PKD1L1: variants seen among roughly 807,000 people sequenced by gnomAD.
PKD1L1 encodes the protein polycystin 1 like 1, transient receptor potential channel interacting.
A neutral mutation model predicts 323.4 loss-of-function variants in PKD1L1; 236 were observed. That is an observed-to-expected ratio of 0.73 (90% CI 0.66 to 0.81). PKD1L1 has a LOEUF of 0.81. Among genes scored for constraint, PKD1L1 ranks in the 40% least tolerant of loss-of-function variants. PKD1L1 has a pLI of 0.00. For missense variants in PKD1L1, 3,320 were observed against 3,508.0 expected (o/e 0.95, Z 1.35); for synonymous variants, 1,344 against 1,335.0 (o/e 1.01, Z -0.15).
chr7:47,950,420 T>C (rs1788187379), upstream of PKD1L1, among the ~76,000 whole-genome samples: 1 of 152,328 alleles, frequency 6.6e-6, no homozygotes, highest in East Asian at 1.9e-4. Flanking sequence ...GGAAGAAATA[T>C]GCCTGCACTG....
chr7:47,883,032 T>C (rs909758991), intron 19 of PKD1L1, among the ~76,000 whole-genome samples: 10 of 152,126 alleles, frequency 6.6e-5, no homozygotes, highest in African/African-American at 2.2e-4. Context: ...AACACAAATG[T>C]TGTAAGGAGG....
rs1232460455 is a variant in PKD1L1, at chr7:47,836,794, C to T, written c.5943+127G>A. ...TGTTCCTTCTCTGGTCCCCAGGCAG[C>T]CAGGCTTGCTTCCCCTGGTTTAAAC... On this transcript the variant is annotated intron_variant, in intron 37 of 56. Transcript: ENST00000289672. The T allele has an allele frequency of 4.2e-6, 5 of 1,202,228 alleles. No homozygotes were observed. The East Asian group carries it at 1.3e-4, about 31-fold the overall frequency. The allele number at this position is 1,202,228 out of a possible 1,614,324, so 74.5% of individuals were successfully genotyped here.
Position 47,829,095 on chromosome 7 carries a change from C to T in PKD1L1, c.6735+330G>A, listed in dbSNP as rs191495248. On this transcript the variant is annotated intron_variant, in intron 44 of 56. Coordinates refer to ENST00000289672, the MANE Select transcript of PKD1L1 (RefSeq NM_138295.5). ...GAGAGAGGAAGGATGGGGAGGAGTA[C>T]ATTTTCTGTGGGTTCACTGAAGGGC... Among the ~76,000 whole-genome samples, 3 of 152,268 alleles carry T rather than the reference C, an allele frequency of 2.0e-5. No homozygotes were observed. In the East Asian group the frequency reaches 5.8e-4, roughly 29 times the overall value.
chr7:47,884,622 T>TA lies in PKD1L1; in HGVS notation c.3240_3241insT (p.Ile1081TyrfsTer10). 1.2e-6 allele frequency: 2 copies of TA among 1,614,062 alleles called. No individual in the cohort carries two copies. Among genetic ancestry groups the TA allele is most frequent in the Non-Finnish European group, 1.7e-6 (2 of 1,179,912 alleles). ...CCTGGCTGTCTTCCTCCCGATGGTA[T>TA]TGCTTCTTGAATGTCACTGTAATAG... is the stretch of plus-strand genomic sequence containing the variant. On this transcript the variant is annotated frameshift_variant, in exon 19 of 57. Coordinates refer to ENST00000289672, the MANE Select transcript of PKD1L1 (RefSeq NM_138295.5). LOFTEE classifies it high-confidence loss of function.
Position 47,845,053 on chromosome 7 carries a change from G to T in PKD1L1, c.5179C>A (p.Leu1727Ile). The T allele has an allele frequency of 6.2e-7, 1 of 1,613,974 alleles. No individual in the cohort carries two copies. The highest frequency in any genetic ancestry group is 8.5e-7 in the Non-Finnish European group (1 of 1,179,972). Residue 1727 changes from leucine to isoleucine, a missense_variant, in exon 33 of 57, where the codon CTC becomes ATC. Transcript: ENST00000289672. ...CTGGCCTTCAGCTTTCTCCTTAGGA[G>T]AGCGAATGCCGCGAGGCGATGGTAG... ...CSYHRLAAFA[L>I]LRRKLKASFE...
At chr7:47,824,209 C>T (rs1785199530) in intron 45 of PKD1L1, among the ~76,000 whole-genome samples, 1 of 152,116 alleles carries the variant, frequency 6.6e-6, no homozygotes, top group African/African-American at 2.4e-5. Flanking sequence ...GTTTCTAGGC[C>T]TTTTCTTGCT....
chr7:47,823,047 G>A (rs915326405), intron 45 of PKD1L1, among the ~76,000 whole-genome samples: 1 of 151,558 alleles, frequency 6.6e-6, no homozygotes, highest in Admixed American at 6.6e-5. Flanking sequence ...AAATCAATAC[G>A]TTTTTAACTT....
At chr7:47,792,138 A>C (rs958590756) in intron 56 of PKD1L1, among the ~76,000 whole-genome samples, 1 of 152,172 alleles carries the variant, frequency 6.6e-6, no homozygotes, top group African/African-American at 2.4e-5. Context: ...AGTGCTCTAT[A>C]ATCTATTCGT....
chr7:47,884,493 A>C (rs1026869816), intron 19 of PKD1L1, 105 bp downstream of exon 19: 23 of 976,160 alleles, frequency 2.4e-5, no homozygotes, highest in Non-Finnish European at 3.7e-5. Flanking sequence ...GATTCTGTGG[A>C]GCTCTCAGTG....
intron 32 of PKD1L1, among the ~76,000 whole-genome samples, chr7:47,846,424 G>A (rs537558993): frequency 6.6e-6 from 1 of 152,292 alleles, no homozygotes; most frequent in East Asian, 1.9e-4. Context: ...AGGCTGTGGA[G>A]GGTCCTCTGA....
intron 42 of PKD1L1, among the ~76,000 whole-genome samples, chr7:47,830,882 T>C (rs1016654857): frequency 6.6e-6 from 1 of 152,196 alleles, no homozygotes; most frequent in Non-Finnish European, 1.5e-5. Flanking sequence ...CAGTATATTC[T>C]AGCCAGAGTT....
chr7:47,866,515 A>T lies in PKD1L1; in HGVS notation c.3996T>A (p.Arg1332=), dbSNP rs1217874862. The change falls in exon 25 of 57, where the codon CGT becomes CGA. Residue 1332 remains arginine (R), a synonymous_variant. Coordinates refer to ENST00000289672, the MANE Select transcript of PKD1L1 (RefSeq NM_138295.5). ...YITVITRILS[R]LSKEDKTASC... is the part of the protein sequence containing the mutation. The stretch of plus-strand genomic sequence containing the variant: ...AGGCAGTTTTGTCCTCCTTAGACAA[A>T]CGACTCAGGATTCTGGTGATCACAG... 1.2e-6 allele frequency: 2 copies of T among 1,613,998 alleles called. No individual in the cohort carries two copies. Among genetic ancestry groups the T allele is most frequent in the Non-Finnish European group, 1.7e-6 (2 of 1,179,934 alleles).
the PKD1L1 span, among the ~76,000 whole-genome samples, chr7:47,959,798 G>T: frequency 1.3e-5 from 2 of 148,492 alleles, no homozygotes; most frequent in Non-Finnish European, 1.5e-5. Context: ...GGTGAGGGGC[G>T]CCTCTGCCCG....
chr7:47,901,017 T>A (rs1249474374), intron 13 of PKD1L1, among the ~76,000 whole-genome samples: 1 of 152,152 alleles, frequency 6.6e-6, no homozygotes, highest in Admixed American at 6.5e-5. Context: ...TTTCATTTTT[T>A]TCTTTATACT....
chr7:47,838,876 CAAAAAAAAAAA>C (rs57858359), intron 36 of PKD1L1, among the ~76,000 whole-genome samples: 5 of 85,342 alleles, frequency 5.9e-5, no homozygotes, highest in African/African-American at 2.0e-4. Context: ...GACTCCATCT[CAAAAAAAAAAA>C]AAAAAAAAAA....
chr7:47,922,079 G>A (rs577546952), intron 7 of PKD1L1, among the ~76,000 whole-genome samples: 3 of 152,284 alleles, frequency 2.0e-5, no homozygotes, highest in African/African-American at 7.2e-5. Flanking sequence ...CGCCTGACTG[G>A]TTTTCGTATT....
At chr7:47,939,302 T>C (rs898629052) in intron 3 of PKD1L1, among the ~76,000 whole-genome samples, 1 of 152,210 alleles carries the variant, frequency 6.6e-6, no homozygotes, top group African/African-American at 2.4e-5. Flanking sequence ...TTAATAACGC[T>C]GCTCTGCATG....
intron 8 of PKD1L1, among the ~76,000 whole-genome samples, chr7:47,915,186 G>A (rs996691301): frequency 7.9e-5 from 12 of 152,206 alleles, no homozygotes; most frequent in African/African-American, 1.9e-4. Context: ...CCAGAGGCGC[G>A]TGGGAATGAG....
At position 47,915,532 on chromosome 7, in the gene PKD1L1, A is replaced by AT. The variant is rs758836065; in HGVS notation, c.1127dup (p.Asn376LysfsTer12). 1.9e-6 allele frequency: 3 copies of AT among 1,548,068 alleles called. No individual in the cohort carries two copies. Among genetic ancestry groups the AT allele is most frequent in the Non-Finnish European group, 1.8e-6 (2 of 1,120,226 alleles). On this transcript the variant is annotated frameshift_variant, in exon 8 of 57. Coordinates refer to ENST00000289672, the MANE Select transcript of PKD1L1 (RefSeq NM_138295.5). LOFTEE classifies it high-confidence loss of function. ...GGCACAAGTAAACATTTAAAGTTGTATTTTGTGTCTCTGCTTCTTTGTAGG... is the reference window on the plus strand; with the variant it reads ...GGCACAAGTAAACATTTAAAGTTGTATTTTTGTGTCTCTGCTTCTTTGTAGG...
Sources: gnomAD v4.1 joint callset for allele counts (sites outside exome capture counted in the v4.1 genomes callset) on GRCh38, gnomAD v4.1.1 for gene constraint, MANE v1.5 for transcripts, NCBI Gene and HGNC (gene_info 2026-07-23, HGNC 2026-07-21) for gene names.